Variants in PPP1R12B observed in about 807,000 individuals in gnomAD.
PPP1R12B encodes the protein protein phosphatase 1 regulatory subunit 12B, also known as myosin phosphatase target subunit 2.
Under a neutral mutation model 126.1 loss-of-function variants are expected in PPP1R12B, and 76 were observed. The observed-to-expected ratio is 0.60, with a 90% CI of 0.50 to 0.73. PPP1R12B has a LOEUF of 0.73. Among genes scored for constraint, PPP1R12B ranks in the 30% least tolerant of loss-of-function variants. The pLI is 0.00. For synonymous variants in PPP1R12B, 356 were observed against 434.7 expected (o/e 0.82, Z 2.25); for missense variants, 1,052 against 1,205.1 (o/e 0.87, Z 1.88).
chr1:202,568,329 G>C (rs1688253477), intron 22 of PPP1R12B, among the ~76,000 whole-genome samples: 1 of 152,112 alleles, frequency 6.6e-6, no homozygotes, highest in African/African-American at 2.4e-5. Flanking sequence ...CTGAGGGGAG[G>C]ATTTCTGGTT....
chr1:202,567,681 A>G, intron 21 of PPP1R12B, 97 bp from the exon 22 acceptor site: 3 of 1,334,034 alleles, frequency 2.2e-6, no homozygotes, highest in Non-Finnish European at 3.2e-6. Flanking sequence ...TTTACTGTTT[A>G]TTTCTAGATG....
chr1:202,445,183 C>G (rs983209736), intron 12 of PPP1R12B: 1 of 1,246,860 alleles, frequency 8.0e-7, no homozygotes, highest in Non-Finnish European at 1.0e-6. Context: ...TCTTCTTGCC[C>G]TGCACCAATC....
At chr1:202,359,113 A>C (rs576403520) in intron 1 of PPP1R12B, among the ~76,000 whole-genome samples, 1 of 152,150 alleles carries the variant, frequency 6.6e-6, no homozygotes, top group East Asian at 1.9e-4. Flanking sequence ...AGTATACTGG[A>C]TTATTTTATA....
rs1472379931 is a variant in PPP1R12B at position 202,488,582 on chromosome 1, G to A, written c.1900G>A (p.Ala634Thr). The A allele has an allele frequency of 6.2e-7, 1 of 1,612,998 alleles. No homozygotes were observed. The highest frequency in any genetic ancestry group is 1.7e-5 in the Admixed American group (1 of 59,892). The change falls in exon 14 of 24, where the codon GCA becomes ACA. Residue 634 changes from alanine to threonine, a missense_variant. Transcript: ENST00000608999. ...TGAGGAAGCAGAGTCTTTACGGAAA[G>A]CACGCTCCAGACAAGCTCGGCAGAC... Reference protein sequence around the residue: ...RDEEAESLRKARSRQARQTRR... With the variant: ...RDEEAESLRKTRSRQARQTRR...
At position 202,567,848 on chromosome 1, in the gene PPP1R12B, T is replaced by C. The variant is rs372095219; in HGVS notation, c.2811+17T>C. 1.2e-4 allele frequency: 189 copies of C among 1,612,972 alleles called. No homozygotes were observed. The highest frequency in any genetic ancestry group is 1.2e-4 in the Admixed American group (7 of 59,980). On this transcript the variant is annotated intron_variant, in intron 22 of 23. Coordinates refer to ENST00000608999, the MANE Select transcript of PPP1R12B (RefSeq NM_002481.4). ...GAGAAACGGGTATGCGCATGTCTGTTTCCCCCTCCACCCCATTTCATCTCT... is the reference window on the plus strand; with the variant it reads ...GAGAAACGGGTATGCGCATGTCTGTCTCCCCCTCCACCCCATTTCATCTCT...
intron 1 of PPP1R12B, among the ~76,000 whole-genome samples, chr1:202,353,861 C>G (rs562364507): frequency 2.6e-5 from 4 of 152,172 alleles, no homozygotes; most frequent in South Asian, 2.1e-4. Flanking sequence ...AATCCTCCCC[C>G]CTCGGCCTCC....
intron 13 of PPP1R12B, among the ~76,000 whole-genome samples, chr1:202,452,199 A>T (rs1245067342): frequency 6.6e-6 from 1 of 151,356 alleles, no homozygotes; most frequent in Non-Finnish European, 1.5e-5. Flanking sequence ...CAAGGCAGGC[A>T]GCTGGGAGGT....
At chr1:202,534,114 C>T (rs576805903) in intron 18 of PPP1R12B, among the ~76,000 whole-genome samples, 4 of 152,184 alleles carry the variant, frequency 2.6e-5, no homozygotes, top group African/African-American at 7.2e-5. Flanking sequence ...TCAATGTCTA[C>T]TCATGGGTTC....
intron 21 of PPP1R12B, chr1:202,567,484 G>C (rs1688165470): frequency 2.8e-6 from 1 of 361,176 alleles, no homozygotes; most frequent in Non-Finnish European, 5.0e-6. Flanking sequence ...TTGAAGACCT[G>C]TGGAGAGAGA....
At chr1:202,511,401 T>A (rs1006318988) in intron 18 of PPP1R12B, among the ~76,000 whole-genome samples, 16 of 151,890 alleles carry the variant, frequency 1.1e-4, no homozygotes, top group African/African-American at 3.9e-4. Flanking sequence ...GTATTTTTAG[T>A]AGAGATGGGG....
chr1:202,451,964 G>A (rs1275617785), intron 13 of PPP1R12B, among the ~76,000 whole-genome samples: 4 of 151,946 alleles, frequency 2.6e-5, no homozygotes, highest in Non-Finnish European at 5.9e-5. Flanking sequence ...CGGCTGCTGG[G>A]CGGAGGGGCT....
chr1:202,418,888 G>A (rs1234164911), intron 2 of PPP1R12B, among the ~76,000 whole-genome samples: 1 of 152,080 alleles, frequency 6.6e-6, no homozygotes, highest in East Asian at 1.9e-4. Flanking sequence ...TTGTAAATAA[G>A]ATCAGTCCGT....
chr1:202,399,592 G>A (rs1190460288), intron 1 of PPP1R12B, among the ~76,000 whole-genome samples: 1 of 151,862 alleles, frequency 6.6e-6, no homozygotes, highest in Non-Finnish European at 1.5e-5. Context: ...CACCTCCTGG[G>A]TTCAAGCCAT....
intron 9 of PPP1R12B, among the ~76,000 whole-genome samples, chr1:202,435,096 A>G (rs1361919662): frequency 2.0e-5 from 3 of 152,058 alleles, no homozygotes; most frequent in Admixed American, 6.5e-5. Context: ...TTCTCTTCTT[A>G]TAAGGTAACC....
intron 18 of PPP1R12B, among the ~76,000 whole-genome samples, chr1:202,551,370 CAT>C (rs888395698): frequency 6.6e-6 from 1 of 152,126 alleles, no homozygotes; most frequent in African/African-American, 2.4e-5. Flanking sequence ...CTCTCTTACA[CAT>C]ATGTATACCA....
chr1:202,571,927 C>T (rs948532510), intron 23 of PPP1R12B, among the ~76,000 whole-genome samples: 1 of 152,160 alleles, frequency 6.6e-6, no homozygotes, highest in Non-Finnish European at 1.5e-5. Flanking sequence ...TCCAGCACCC[C>T]CTAGAGGACT....
At chr1:202,479,546 T>C (rs1281935854) in intron 13 of PPP1R12B, among the ~76,000 whole-genome samples, 1 of 152,190 alleles carries the variant, frequency 6.6e-6, no homozygotes, top group Non-Finnish European at 1.5e-5. Context: ...ACTCAGGGAA[T>C]GATTGGAGTT....
At chr1:202,480,662 T>C (rs1307960139) in intron 13 of PPP1R12B, among the ~76,000 whole-genome samples, 1 of 152,222 alleles carries the variant, frequency 6.6e-6, no homozygotes, top group Non-Finnish European at 1.5e-5. Flanking sequence ...ACTTAAAGAC[T>C]GTTCTAAGAT....
chr1:202,478,020 C>G (rs1250503396), intron 13 of PPP1R12B, among the ~76,000 whole-genome samples: 2 of 152,142 alleles, frequency 1.3e-5, no homozygotes, highest in Admixed American at 6.5e-5. Flanking sequence ...ATTTTTATTT[C>G]TGTTTTGTGA....
Sources: gnomAD v4.1 joint callset for allele counts (sites outside exome capture counted in the v4.1 genomes callset) on GRCh38, gnomAD v4.1.1 for gene constraint, MANE v1.5 for transcripts, NCBI Gene and HGNC (gene_info 2026-07-23, HGNC 2026-07-21) for gene names.